The following RTL1 variants were observed in gnomAD, a reference collection of about 807,000 sequenced individuals.
RTL1 encodes the protein retrotransposon Gag like 1, also known as retrotransposon-like protein 1.
For missense variants in RTL1, 1,681 were observed against 1,767.5 expected (o/e 0.95, Z 0.88); for synonymous variants, 727 against 748.4 (o/e 0.97, Z 0.47).
chr14:100,902,987 A>G (rs1595348191), intron 2 of RTL1, among the ~76,000 whole-genome samples: 2 of 152,146 alleles, frequency 1.3e-5, no homozygotes, highest in African/African-American at 4.8e-5. Flanking sequence ...GCTTAATCGC[A>G]CAAATCAAGT....
At position 100,880,724 on chromosome 14, in the gene RTL1, A is replaced by G. The variant is rs956742567; in HGVS notation, c.4065T>C (p.Ala1355=). Residue 1355 remains alanine, a synonymous_variant, in exon 4 of 4, where the codon GCT becomes GCC. Transcript: ENST00000649591. The part of the protein sequence containing the change: ...LEELPDEDED[A]NLD Reference sequence around the variant, plus strand: ...CAGGGAGGCGTCTTCAGTCGAGGTTAGCATCTTCGTCCTCATCAGGCAGCT... The same window carrying G: ...CAGGGAGGCGTCTTCAGTCGAGGTTGGCATCTTCGTCCTCATCAGGCAGCT... 1 of 1,550,838 alleles carries G rather than the reference A, an allele frequency of 6.4e-7. No individual in the cohort carries two copies. Among genetic ancestry groups the G allele is most frequent in the Non-Finnish European group, 8.7e-7 (1 of 1,146,946 alleles).
chr14:100,898,433 A>G (rs963411885), intron 2 of RTL1, among the ~76,000 whole-genome samples: 1 of 152,204 alleles, frequency 6.6e-6, no homozygotes, highest in Non-Finnish European at 1.5e-5. Flanking sequence ...TGGTGGGTTA[A>G]ATTGTTTGCA....
chr14:100,881,186 A>G lies in RTL1; in HGVS notation c.3603T>C (p.Gly1201=). 6.5e-7 allele frequency: 1 copy of G among 1,540,874 alleles called. No individual in the cohort carries two copies. The highest frequency in any genetic ancestry group is 8.8e-7 in the Non-Finnish European group (1 of 1,141,578). ...GGCCCTCCTGGGGGGTGACTCTGACACCGAAGAACTCACACAGCGTCAGCC... is the reference window on the plus strand; with the variant it reads ...GGCCCTCCTGGGGGGTGACTCTGACGCCGAAGAACTCACACAGCGTCAGCC... ...GFWLTLCEFF[G]VRVTPQEGHL... is the part of the protein sequence containing the mutation. The change falls in exon 4 of 4, where the codon GGT becomes GGC. Residue 1201 remains glycine, a synonymous_variant. Transcript: ENST00000649591. This position sits in a 1 kb window ranked among gnomAD's most constrained non-coding sequence, Gnocchi z 6.6.
chr14:100,901,790 C>G (rs913905452), intron 2 of RTL1, among the ~76,000 whole-genome samples: 3 of 152,182 alleles, frequency 2.0e-5, no homozygotes, highest in Middle Eastern at 3.2e-3. Flanking sequence ...CCTCCCCCCA[C>G]CAGCCCTGGG....
rs374138098 is a variant in RTL1, at chr14:100,892,706, C to T, written c.-87+738G>A. Among the ~76,000 whole-genome samples, 45 of 152,202 alleles carry T rather than the reference C, an allele frequency of 3.0e-4. No homozygotes were observed. In the East Asian group the frequency reaches 3.9e-3, roughly 13 times the overall value. On this transcript the variant is annotated intron_variant, in intron 3 of 3. Coordinates refer to ENST00000649591, the MANE Select transcript of RTL1 (RefSeq NM_001134888.3). The stretch of plus-strand genomic sequence containing the variant: ...CAGACCCAGCATACAGGACCTTCCC[C>T]GGGAGGGGCAGGCTGATGACTGGAG...
intron 2 of RTL1, among the ~76,000 whole-genome samples, chr14:100,896,541 C>T (rs1286757198): frequency 6.6e-6 from 1 of 151,796 alleles, no homozygotes; most frequent in East Asian, 1.9e-4. Context: ...TTTGAGGATT[C>T]CAAGAGCCTG....
At chr14:100,887,047 G>T (rs889839192) in intron 3 of RTL1, among the ~76,000 whole-genome samples, 2 of 152,214 alleles carry the variant, frequency 1.3e-5, no homozygotes, top group South Asian at 4.2e-4. Context: ...ATGAATAAAG[G>T]TCATCTCATA....
chr14:100,891,717 A>G (rs2038782071), intron 3 of RTL1, among the ~76,000 whole-genome samples: 1 of 152,190 alleles, frequency 6.6e-6, no homozygotes, highest in Non-Finnish European at 1.5e-5. Context: ...AGCGGGGCCA[A>G]TCAGCTGCTC....
rs779562362 is a variant in RTL1 at position 100,883,948 on chromosome 14, G to A, written c.841C>T (p.Arg281Cys). ...TCTTCTGCCACACGCAGTGCCTGGCGGTACTCAAACACTTCGGACATGGCC... is the reference window on the plus strand; with the variant it reads ...TCTTCTGCCACACGCAGTGCCTGGCAGTACTCAAACACTTCGGACATGGCC... The part of the protein sequence containing the change: ...LEAMSEVFEY[R>C]QALRVAEEAM... Residue 281 changes from arginine to cysteine, a missense_variant, in exon 4 of 4, where the codon CGC becomes TGC. Physicochemically the swap from Arg to Cys is radical, Grantham distance 180. Coordinates refer to ENST00000649591, the MANE Select transcript of RTL1 (RefSeq NM_001134888.3). This position sits in a 1 kb window ranked among gnomAD's most constrained non-coding sequence, Gnocchi z 5.9. 17 of 1,551,488 alleles carry A rather than the reference G, an allele frequency of 1.1e-5. No homozygotes were observed. Among genetic ancestry groups the A allele is most frequent in the Middle Eastern group, 1.7e-4 (1 of 6,010 alleles).
At chr14:100,897,082 TG>T (rs2038868202) in intron 2 of RTL1, among the ~76,000 whole-genome samples, 1 of 152,178 alleles carries the variant, frequency 6.6e-6, no homozygotes, top group Non-Finnish European at 1.5e-5. Flanking sequence ...GGCACACACC[TG>T]CCAGCCCGAT....
chr14:100,880,545 G>T lies in RTL1; in HGVS notation c.*167C>A. 1.5e-6 allele frequency: 2 copies of T among 1,349,826 alleles called. No homozygotes were observed. Among genetic ancestry groups the T allele is most frequent in the Non-Finnish European group, 2.0e-6 (2 of 1,016,286 alleles). The allele number at this position is 1,349,826 out of a possible 1,614,324, so 83.6% of individuals were successfully genotyped here. A position where few individuals can be genotyped will look rare whatever the true frequency, so the allele number is the denominator to read the frequency against. ...GTCCGTTAGCACAGGTGGCATTGCT[G>T]GTTGATGAGTTGAAGAAGTTGTTGC... On this transcript the variant is annotated 3_prime_UTR_variant, in exon 4 of 4. Transcript: ENST00000649591.
Position 100,882,285 on chromosome 14 carries a change from C to T in RTL1, c.2504G>A (p.Arg835Gln), listed in dbSNP as rs1387192325. 6 of 1,551,598 alleles carry T rather than the reference C, an allele frequency of 3.9e-6. No individual in the cohort carries two copies. The highest frequency in any genetic ancestry group is 3.6e-5 in the South Asian group (3 of 84,060). ...RFSIIAEPLV[R>Q]QLLSSYQFYW... is the part of the protein sequence containing the mutation. ...GAACTGGTAGGAGCTCAGCAGCTGCCGCACCAGGGGCTCTGCGATGATGCT... is the reference window on the plus strand; with the variant it reads ...GAACTGGTAGGAGCTCAGCAGCTGCTGCACCAGGGGCTCTGCGATGATGCT... The change falls in exon 4 of 4, where the codon CGG (arginine) becomes CAG (glutamine). Residue 835 changes from arginine (R) to glutamine (Q), a missense_variant. Physicochemically the swap from Arg to Gln is conservative, Grantham distance 43 (BLOSUM62 1). Transcript: ENST00000649591.
chr14:100,884,775 G>A lies in RTL1; in HGVS notation c.14C>T (p.Ser5Phe). Reference sequence around the variant, plus strand: ...CATCATCGTCTCAAATGAGTCTTCAGAGGGTTCTATCATTTCGTCGGATGG... The same window carrying A: ...CATCATCGTCTCAAATGAGTCTTCAAAGGGTTCTATCATTTCGTCGGATGG... MIEP[S>F]EDSFETMMEH... Residue 5 changes from serine (S) to phenylalanine (F), a missense_variant, in exon 4 of 4, where the codon TCT (serine) becomes TTT (phenylalanine). By Grantham distance (155) the Ser-to-Phe change is radical (BLOSUM62 -2). Transcript: ENST00000649591. 6.3e-7 allele frequency: 1 copy of A among 1,575,686 alleles called. No homozygotes were observed. The highest frequency in any genetic ancestry group is 8.6e-7 in the Non-Finnish European group (1 of 1,161,354).
rs2038596970 is a variant in RTL1 at position 100,880,855 on chromosome 14, C to G, written c.3934G>C (p.Glu1312Gln). Reference sequence around the variant, plus strand: ...TGGCTCAGGGCCCTGGCTGCCTGCTCCCGGCTGAGCAGGTGCAGCTGGCCA... The same window carrying G: ...TGGCTCAGGGCCCTGGCTGCCTGCTGCCGGCTGAGCAGGTGCAGCTGGCCA... ...ADGQLHLLSR[E>Q]QAARALSQFL... Residue 1312 changes from glutamate (E) to glutamine (Q), a missense_variant, in exon 4 of 4, where the codon GAG becomes CAG. Coordinates refer to ENST00000649591, the MANE Select transcript of RTL1 (RefSeq NM_001134888.3). 6.5e-7 allele frequency: 1 copy of G among 1,549,656 alleles called. No individual in the cohort carries two copies. The highest frequency in any genetic ancestry group is 8.7e-7 in the Non-Finnish European group (1 of 1,146,630).
chr14:100,890,804 C>T lies in RTL1; in HGVS notation c.-87+2640G>A, dbSNP rs374788367. On this transcript the variant is annotated intron_variant, in intron 3 of 3. Transcript: ENST00000649591. ...GTGGCCTCAAAATGAATACCCCCAG[C>T]AGCTCCCTCTGCTGCCTGGCCTGCT... Among the ~76,000 whole-genome samples the T allele has an allele frequency of 3.6e-4, 55 of 152,300 alleles. No individual in the cohort carries two copies. In the South Asian group the frequency reaches 0.011, roughly 31 times the overall value.
rs185969390 is a variant in RTL1, at chr14:100,894,182, C to T, written c.-148-677G>A. 1.3e-4 allele frequency among the ~76,000 whole-genome samples: 20 copies of T among 151,582 alleles called. No homozygotes were observed. The East Asian group carries it at 2.5e-3, about 19-fold the overall frequency. ...AAAATTAGCTGGGTGTGGTGGCGTG[C>T]GCCTGTAATCCCAGCTACTTGGGAG... On this transcript the variant is annotated intron_variant, in intron 2 of 3. Coordinates refer to ENST00000649591, the MANE Select transcript of RTL1 (RefSeq NM_001134888.3).
chr14:100,880,828 A>G lies in RTL1; in HGVS notation c.3961T>C (p.Phe1321Leu). 6.4e-7 allele frequency: 1 copy of G among 1,550,596 alleles called. No individual in the cohort carries two copies. The highest frequency in any genetic ancestry group is 1.2e-5 in the South Asian group (1 of 84,048). The stretch of plus-strand genomic sequence containing the variant: ...GCCCGCCTGTAGATCAGGGTCAGGA[A>G]CTGGCTCAGGGCCCTGGCTGCCTGC... ...REQAARALSQ[F>L]LTLIYRRALP... The change falls in exon 4 of 4, where the codon TTC becomes CTC. Residue 1321 changes from phenylalanine to leucine, a missense_variant. Phe to Leu is a conservative substitution (Grantham distance 22). Coordinates refer to ENST00000649591, the MANE Select transcript of RTL1 (RefSeq NM_001134888.3).
rs1482287836 is a variant in RTL1, at chr14:100,884,168, A to G, written c.621T>C (p.Ser207=). The G allele has an allele frequency of 3.9e-6, 6 of 1,551,600 alleles. No individual in the cohort carries two copies. Among genetic ancestry groups the G allele is most frequent in the Non-Finnish European group, 5.2e-6 (6 of 1,146,982 alleles). The stretch of plus-strand genomic sequence containing the variant: ...ACTCGTGGAATTCTCTGCGATCGCC[A>G]GAGAAGTGCTTTGGGGCGGGCAGTT... The part of the protein sequence containing the change: ...AGQLPAPKHF[S]GDRREFHEFI... Residue 207 remains serine, a synonymous_variant, in exon 4 of 4, where the codon TCT becomes TCC. Coordinates refer to ENST00000649591, the MANE Select transcript of RTL1 (RefSeq NM_001134888.3).
rs531395680 is a variant in RTL1, at chr14:100,883,670, C to A, written c.1119G>T (p.Glu373Asp). The change falls in exon 4 of 4, where the codon GAG (glutamate) becomes GAT (aspartate). Residue 373 changes from glutamate (E) to aspartate (D), a missense_variant. Coordinates refer to ENST00000649591, the MANE Select transcript of RTL1 (RefSeq NM_001134888.3). The surrounding 1 kb of genome is among the most constrained non-coding windows in gnomAD (Gnocchi z 5.9). ...TCCAGGTCAGGTTCCGGGGGCGGGC[C>A]TCGGGGGGCAGCCTGAGCATAGCTC... ...ERRAMLRLPP[E>D]ARPRNLTWID... 6 of 1,551,584 alleles carry A rather than the reference C, an allele frequency of 3.9e-6. No individual in the cohort carries two copies. The highest frequency in any genetic ancestry group is 2.4e-5 in the South Asian group (2 of 84,062).
Sources: allele counts gnomAD v4.1 joint callset (sites outside exome capture counted in the v4.1 genomes callset), GRCh38; gene constraint gnomAD v4.1.1; non-coding constraint Gnocchi (gnomAD v3.1); transcripts MANE v1.5; gene names NCBI Gene and HGNC (gene_info 2026-07-23, HGNC 2026-07-21).